Variants in ELOVL7 observed in about 807,000 individuals in gnomAD.
ELOVL7 encodes the protein very long chain fatty acid elongase 7.
ELOVL7 carries 27 observed loss-of-function variants against 35.7 expected under a neutral mutation model. The observed-to-expected ratio is 0.76, with a 90% CI of 0.56 to 1.04. The LOEUF is 1.04. ELOVL7 is among the 50% of genes least tolerant of loss of function. The pLI is 0.00. For synonymous variants in ELOVL7, 113 were observed against 114.6 expected, an observed-to-expected ratio of 0.99 and a Z score of 0.09; for missense variants, 327 against 340.8, an observed-to-expected ratio of 0.96 and a Z score of 0.32.
chr5:60,780,163 A>G (rs531555828), intron 3 of ELOVL7, among the ~76,000 whole-genome samples: 1 of 134,260 alleles, frequency 7.4e-6, no homozygotes, highest in African/African-American at 2.9e-5. Flanking sequence ...CTTGTTGCCC[A>G]GGCTGGAGTG....
chr5:60,765,618 C>T (rs1394179049), intron 6 of ELOVL7, among the ~76,000 whole-genome samples: 1 of 152,126 alleles, frequency 6.6e-6, no homozygotes, highest in Non-Finnish European at 1.5e-5. Flanking sequence ...TTTTGAGCCC[C>T]ATCCAAGGCC....
chr5:60,843,259 C>T lies in ELOVL7; in HGVS notation c.-86+901G>A, dbSNP rs141958767. ...ACAGGTGTAAAGACCCGCTCCTTCC[C>T]GTCCCGAGTTCCCCAGGGAGCTCCA... On this transcript the variant is annotated intron_variant, in intron 1 of 8. Coordinates refer to ENST00000508821, the MANE Select transcript of ELOVL7 (RefSeq NM_024930.3). Among the ~76,000 whole-genome samples the T allele has an allele frequency of 6.2e-3, 938 of 152,198 alleles. 6 individuals carry two copies. Among genetic ancestry groups the T allele is most frequent in the African/African-American group, 0.021 (890 of 41,516 alleles).
intron 2 of ELOVL7, among the ~76,000 whole-genome samples, chr5:60,794,128 C>T (rs1414862997): frequency 6.6e-6 from 1 of 152,192 alleles, no homozygotes; most frequent in Non-Finnish European, 1.5e-5. Context: ...TGTTTCATTG[C>T]CCCACGTCTG....
chr5:60,796,996 T>C (rs1053399589), intron 2 of ELOVL7, among the ~76,000 whole-genome samples: 1 of 152,194 alleles, frequency 6.6e-6, no homozygotes, highest in Admixed American at 6.5e-5. Flanking sequence ...GGAAAAGATA[T>C]ATAGTAGTCT....
intron 1 of ELOVL7, among the ~76,000 whole-genome samples, chr5:60,837,388 C>CA: frequency 6.7e-6 from 1 of 148,266 alleles, no homozygotes; most frequent in African/African-American, 2.5e-5. Flanking sequence ...ACCTGGGAGG[C>CA]AGAGGTTGCA....
chr5:60,799,460 G>A (rs1353511252), intron 1 of ELOVL7, among the ~76,000 whole-genome samples: 2 of 151,982 alleles, frequency 1.3e-5, no homozygotes, highest in African/African-American at 4.8e-5. Context: ...AAAAAAAAGA[G>A]TATTCATAAA....
chr5:60,830,847 T>C (rs1402442405), intron 1 of ELOVL7, among the ~76,000 whole-genome samples: 1 of 152,158 alleles, frequency 6.6e-6, no homozygotes, highest in East Asian at 1.9e-4. Context: ...ATCTGTCTTA[T>C]GTTTTAAAAA....
chr5:60,797,634 A>T (rs1483041797), intron 2 of ELOVL7, among the ~76,000 whole-genome samples: 1 of 152,230 alleles, frequency 6.6e-6, no homozygotes, highest in Admixed American at 6.5e-5. Flanking sequence ...GGATAACAGG[A>T]GGCAAGAGCA....
intron 1 of ELOVL7, among the ~76,000 whole-genome samples, chr5:60,800,249 T>C (rs1744523844): frequency 1.3e-5 from 2 of 151,904 alleles, no homozygotes; most frequent in Admixed American, 6.6e-5. Flanking sequence ...TACAAGCAAA[T>C]CAAATTCAGT....
At chr5:60,816,071 T>C (rs1250600649) in intron 1 of ELOVL7, among the ~76,000 whole-genome samples, 2 of 152,136 alleles carry the variant, frequency 1.3e-5, no homozygotes, top group Admixed American at 1.3e-4. Flanking sequence ...GGAGATAATA[T>C]ATGTCATTTA....
At chr5:60,757,915 TAGTTG>T (rs759752280) in intron 7 of ELOVL7, among the ~76,000 whole-genome samples, 20 of 152,158 alleles carry the variant, frequency 1.3e-4, no homozygotes, top group African/African-American at 4.6e-4. Flanking sequence ...TACTTACACT[TAGTTG>T]AGTTACCTTT....
At chr5:60,789,172 G>A (rs1743776181) in intron 2 of ELOVL7, among the ~76,000 whole-genome samples, 1 of 152,156 alleles carries the variant, frequency 6.6e-6, no homozygotes, top group Non-Finnish European at 1.5e-5. Flanking sequence ...GAAGACATAA[G>A]AGAAGGCTAA....
At chr5:60,765,542 C>T (rs532639302) in intron 6 of ELOVL7, among the ~76,000 whole-genome samples, 2 of 152,278 alleles carry the variant, frequency 1.3e-5, no homozygotes, top group South Asian at 4.2e-4. Context: ...AGAATACAGG[C>T]TCTCAAAACA....
intron 3 of ELOVL7, among the ~76,000 whole-genome samples, chr5:60,772,854 A>G (rs1037975921): frequency 1.3e-5 from 2 of 152,178 alleles, no homozygotes; most frequent in African/African-American, 2.4e-5. Flanking sequence ...GCTTTTATAT[A>G]TTAAAAAAAG....
intron 1 of ELOVL7, among the ~76,000 whole-genome samples, chr5:60,808,518 G>C (rs1201903031): frequency 2.0e-5 from 3 of 152,060 alleles, no homozygotes; most frequent in South Asian, 2.1e-4. Context: ...TCATGGTTTG[G>C]AAAACTTAAT....
intron 6 of ELOVL7, among the ~76,000 whole-genome samples, chr5:60,765,872 C>G (rs187025356): frequency 6.6e-6 from 1 of 152,264 alleles, no homozygotes; most frequent in East Asian, 1.9e-4. Flanking sequence ...AAAACTAGCT[C>G]CAAATAACTA....
In ELOVL7 at chr5:60,754,472, C is replaced by T. The variant is rs1399414997; in HGVS notation, c.*152G>A. On this transcript the variant is annotated 3_prime_UTR_variant, in exon 9 of 9. Transcript: ENST00000508821. ...TCAGAAGACTGTTATCTGGAAGCTTCGGGCTCTCAAATATCAGACATCCCA... is the reference window on the plus strand; with the variant it reads ...TCAGAAGACTGTTATCTGGAAGCTTTGGGCTCTCAAATATCAGACATCCCA... 2.6e-5 allele frequency: 17 copies of T among 653,046 alleles called. No homozygotes were observed. The highest frequency in any genetic ancestry group is 2.5e-4 in the East Asian group (9 of 36,434). 40.5% of individuals were successfully genotyped at this position (653,046 alleles called of 1,614,324 possible). A position where few individuals can be genotyped will look rare whatever the true frequency, so the allele number is the denominator to read the frequency against.
intron 1 of ELOVL7, among the ~76,000 whole-genome samples, chr5:60,814,164 A>C (rs1325941170): frequency 6.6e-6 from 1 of 152,200 alleles, no homozygotes; most frequent in Admixed American, 6.5e-5. Flanking sequence ...CTTTTGCAAA[A>C]AGAAAGCTGT....
intron 3 of ELOVL7, among the ~76,000 whole-genome samples, chr5:60,774,133 A>G (rs1742764524): frequency 6.6e-6 from 1 of 152,218 alleles, no homozygotes; most frequent in Non-Finnish European, 1.5e-5. Context: ...AACTCATTCT[A>G]TGAAACCAGT....
Sources: allele counts gnomAD v4.1 joint callset (sites outside exome capture counted in the v4.1 genomes callset), GRCh38; gene constraint gnomAD v4.1.1; transcripts MANE v1.5; gene names NCBI Gene and HGNC (gene_info 2026-07-23, HGNC 2026-07-21).